The following TNIK variants were observed in gnomAD, a reference collection of about 807,000 sequenced individuals.
TNIK encodes the protein TRAF2 and NCK-interacting protein kinase.
TNIK carries 49 observed loss-of-function variants against 191.3 expected under a neutral mutation model. The ratio of observed to expected loss-of-function variants is 0.26; its 90% CI spans 0.20 to 0.32. The LOEUF (loss-of-function observed/expected upper bound fraction) is 0.32. Among genes scored for constraint, TNIK ranks in the 10% least tolerant of loss-of-function variants. The pLI, the probability that TNIK is intolerant of heterozygous loss-of-function variation, is 1.00. For missense variants in TNIK, 1,155 were observed against 1,702.3 expected (o/e 0.68, Z 5.66); for synonymous variants, 594 against 600.9 (o/e 0.99, Z 0.17).
intron 2 of TNIK, among the ~76,000 whole-genome samples, chr3:171,286,982 TA>T (rs1751078346): frequency 6.6e-6 from 1 of 152,368 alleles, no homozygotes; most frequent in Admixed American, 6.5e-5. Context: ...TAAGATGGTT[TA>T]TATGATGCCA....
At chr3:171,255,127 C>A (rs1039796194) in intron 2 of TNIK, among the ~76,000 whole-genome samples, 1 of 139,546 alleles carries the variant, frequency 7.2e-6, no homozygotes, top group Admixed American at 7.0e-5. Context: ...TTGCAATGGA[C>A]TTTGAGGTTG....
Position 171,140,475 on chromosome 3 carries a change from T to C in TNIK, c.1256A>G (p.Gln419Arg). The C allele has an allele frequency of 6.2e-7, 1 of 1,613,532 alleles. No homozygotes were observed. The highest frequency in any genetic ancestry group is 8.5e-7 in the Non-Finnish European group (1 of 1,179,722). ...ATAGTGCCGGCGCTGCTCCCTCTCC[T>C]GCTGCTTCCGCAGCTCCTTCTCTCG... ...QRREKELRKQ[Q>R]EREQRRHYEE... The change falls in exon 13 of 33, where the codon CAG becomes CGG. Residue 419 changes from glutamine (Q) to arginine (R), a missense_variant. This residue lies in a region of TNIK where 735 missense variants were observed against 848.0 expected (regional missense o/e 0.87). Transcript: ENST00000436636.
intron 23 of TNIK, among the ~76,000 whole-genome samples, chr3:171,091,953 T>TC: frequency 1.3e-5 from 2 of 150,024 alleles, no homozygotes; most frequent in East Asian, 3.9e-4. Context: ...TTTCTTTCTT[T>TC]CTTTTTTTTT....
chr3:171,194,468 A>G lies in TNIK; in HGVS notation c.417+57T>C, dbSNP rs1190475704. On this transcript the variant is annotated intron_variant, in intron 5 of 32. Coordinates refer to ENST00000436636, the MANE Select transcript of TNIK (RefSeq NM_015028.4). ...AGAAAAAAATTCAATCCCTCATAAG[A>G]TATCATGTGTTGCTTGAAGACTTTG... is the stretch of plus-strand genomic sequence containing the variant. 6 of 1,452,416 alleles carry G rather than the reference A, an allele frequency of 4.1e-6. No individual in the cohort carries two copies. In the East Asian group the frequency reaches 9.1e-5, roughly 22 times the overall value. 90.0% of individuals were successfully genotyped at this position (1,452,416 alleles called of 1,614,324 possible). A position where few individuals can be genotyped will look rare whatever the true frequency, so the allele number is the denominator to read the frequency against.
chr3:171,153,054 G>A (rs559646017), intron 12 of TNIK, among the ~76,000 whole-genome samples: 26 of 152,236 alleles, frequency 1.7e-4, no homozygotes, highest in Middle Eastern at 3.4e-3. Context: ...TACAGTGGGC[G>A]TGAGCCACTG....
chr3:171,253,730 C>T (rs1372427168), intron 2 of TNIK, among the ~76,000 whole-genome samples: 2 of 151,172 alleles, frequency 1.3e-5, no homozygotes, highest in Admixed American at 1.3e-4. Context: ...ATCACCGTTT[C>T]TCTACCCTCC....
intron 12 of TNIK, among the ~76,000 whole-genome samples, chr3:171,141,890 G>T (rs1040795236): frequency 2.0e-5 from 3 of 152,216 alleles, no homozygotes; most frequent in Non-Finnish European, 4.4e-5. Context: ...GAGGTACCCA[G>T]AGTGGAATAA....
intron 1 of TNIK, among the ~76,000 whole-genome samples, chr3:171,385,553 G>A (rs984120697): frequency 6.6e-6 from 1 of 152,140 alleles, no homozygotes; most frequent in Admixed American, 6.5e-5. Context: ...AGAGAGTTCA[G>A]ACAGGCAGGA....
chr3:171,140,253 C>A (rs1039329166), intron 13 of TNIK, 146 bp downstream of exon 13: 16 of 627,128 alleles, frequency 2.6e-5, no homozygotes, highest in Non-Finnish European at 4.2e-5. Context: ...CATTTGACTT[C>A]TTGAATAGGT....
chr3:171,093,724 C>A, intron 23 of TNIK, 115 bp downstream of exon 23: 1 of 1,363,688 alleles, frequency 7.3e-7, no homozygotes, highest in Non-Finnish European at 9.8e-7. Context: ...GTCCTCCCTC[C>A]CCCAAGAATT....
intron 1 of TNIK, among the ~76,000 whole-genome samples, chr3:171,373,032 A>G (rs1415439066): frequency 6.6e-6 from 1 of 152,134 alleles, no homozygotes; most frequent in African/African-American, 2.4e-5. Flanking sequence ...CCCCAATCCA[A>G]GCGCCTGGAG....
intron 31 of TNIK, 44 bp downstream of exon 31, chr3:171,066,532 T>TG (rs747707077): frequency 5.6e-6 from 9 of 1,613,048 alleles, no homozygotes; most frequent in South Asian, 2.2e-5. Context: ...TCGTTTCATT[T>TG]GGGGGGTGTA....
chr3:171,285,432 T>C (rs1750906426), intron 2 of TNIK, among the ~76,000 whole-genome samples: 1 of 151,586 alleles, frequency 6.6e-6, no homozygotes, highest in South Asian at 2.1e-4. Flanking sequence ...AGAGGTGGTG[T>C]GGTAGAGTGG....
intron 5 of TNIK, among the ~76,000 whole-genome samples, chr3:171,192,654 G>A (rs542996835): frequency 3.3e-5 from 5 of 152,266 alleles, no homozygotes; most frequent in South Asian, 2.1e-4. Flanking sequence ...AAGGCATATT[G>A]GGCAGAACCA....
At chr3:171,271,806 C>A (rs1460151706) in intron 2 of TNIK, among the ~76,000 whole-genome samples, 1 of 152,104 alleles carries the variant, frequency 6.6e-6, no homozygotes, top group Admixed American at 6.5e-5. Context: ...AATTAATTGA[C>A]ATGTAAGATG....
intron 1 of TNIK, among the ~76,000 whole-genome samples, chr3:171,389,191 T>G (rs1234896163): frequency 6.6e-6 from 1 of 152,124 alleles, no homozygotes; most frequent in Non-Finnish European, 1.5e-5. Context: ...CTGGTACTTA[T>G]TAGGTCCTCA....
chr3:171,085,452 C>T (rs1255533772), intron 24 of TNIK, among the ~76,000 whole-genome samples: 1 of 152,146 alleles, frequency 6.6e-6, no homozygotes, highest in Non-Finnish European at 1.5e-5. Flanking sequence ...TATCAGACTG[C>T]AAGAATTGTA....
intron 2 of TNIK, among the ~76,000 whole-genome samples, chr3:171,341,641 C>CA (rs1398987402): frequency 4.0e-5 from 6 of 151,284 alleles, no homozygotes; most frequent in Admixed American, 4.0e-4. Flanking sequence ...TATGCGGAAA[C>CA]AAAAGCCCAA....
chr3:171,117,006 A>G (rs987829559), intron 18 of TNIK, among the ~76,000 whole-genome samples: 8 of 152,226 alleles, frequency 5.3e-5, no homozygotes, highest in Non-Finnish European at 1.2e-4. Context: ...TGACTGTGCT[A>G]TCTCCCAGAC....
Sources: gnomAD v4.1 joint callset for allele counts (sites outside exome capture counted in the v4.1 genomes callset) on GRCh38, gnomAD v4.1.1 for gene constraint, gnomAD v4.1.1 regional missense constraint, MANE v1.5 for transcripts, NCBI Gene and HGNC (gene_info 2026-07-23, HGNC 2026-07-21) for gene names.